The following CLTCL1 variants were observed in gnomAD, a reference collection of about 807,000 sequenced individuals.
CLTCL1 encodes clathrin heavy chain like 1.
A neutral mutation model predicts 190.0 loss-of-function variants in CLTCL1; 159 were observed. The ratio of observed to expected loss-of-function variants is 0.84; its 90% CI spans 0.74 to 0.95. The LOEUF is 0.95. Ranked by LOEUF, CLTCL1 falls within the 40% of genes least tolerant of loss-of-function variation. The pLI is 0.00. For synonymous variants in CLTCL1, 752 were observed against 769.6 expected (o/e 0.98, Z 0.38); for missense variants, 1,878 against 2,033.4 (o/e 0.92, Z 1.47).
rs1165219749 is a variant in CLTCL1 at position 19,198,101 on chromosome 22, T to A, written c.3874-1445A>T. Among the ~76,000 whole-genome samples the A allele has an allele frequency of 6.6e-6, 1 of 152,184 alleles. No individual in the cohort carries two copies. The highest frequency in any genetic ancestry group is 1.5e-5 in the Non-Finnish European group (1 of 68,030). On this transcript the variant is annotated intron_variant, in intron 24 of 32. Coordinates refer to ENST00000427926, the MANE Select transcript of CLTCL1 (RefSeq NM_007098.4). This position sits in a 1 kb window ranked among gnomAD's most constrained non-coding sequence, Gnocchi z 4.1. ...TTGTCCTTCCCTCCCGTGCTGCACC[T>A]TCAGTCTTCCCCTCATCCACTGGTG...
In CLTCL1 at chr22:19,201,451, T is replaced by C; in HGVS notation, c.3643A>G (p.Lys1215Glu). The C allele has an allele frequency of 1.2e-6, 2 of 1,613,862 alleles. No homozygotes were observed. Among genetic ancestry groups the C allele is most frequent in the Non-Finnish European group, 1.7e-6 (2 of 1,179,788 alleles). The change falls in exon 23 of 33, where the codon AAG becomes GAG. Residue 1215 changes from lysine (K) to glutamate (E), a missense_variant. Transcript: ENST00000427926. The part of the protein sequence containing the change: ...CYEEGMYEAA[K>E]LLYSNVSNFA... ...TTAGAAACATTGCTATAGAGCAGCT[T>C]GGCAGCCTCGTACATTCCCTCCTCG...
At chr22:19,286,357 C>T (rs1175463451) in intron 1 of CLTCL1, among the ~76,000 whole-genome samples, 2 of 152,130 alleles carry the variant, frequency 1.3e-5, no homozygotes, top group African/African-American at 4.8e-5. Context: ...ACTAACTGGC[C>T]AGTATGTATT....
At chr22:19,284,322 A>G (rs1378614648) in intron 1 of CLTCL1, among the ~76,000 whole-genome samples, 1 of 152,198 alleles carries the variant, frequency 6.6e-6, no homozygotes, top group African/African-American at 2.4e-5. Flanking sequence ...AAAACAAATT[A>G]CTTGTTTCAG....
chr22:19,259,828 A>T, intron 2 of CLTCL1, among the ~76,000 whole-genome samples: 1 of 152,204 alleles, frequency 6.6e-6, no homozygotes, highest in East Asian at 1.9e-4. Context: ...TTTAAGTCAA[A>T]AGTTAGGAAT....
intron 2 of CLTCL1, among the ~76,000 whole-genome samples, chr22:19,265,506 T>A (rs1244830069): frequency 2.0e-5 from 3 of 152,026 alleles, no homozygotes; most frequent in African/African-American, 7.2e-5. Flanking sequence ...CATATATGCA[T>A]CTTATTTTCT....
chr22:19,192,022 C>T (rs541742964), intron 26 of CLTCL1, among the ~76,000 whole-genome samples: 70 of 152,200 alleles, frequency 4.6e-4, no homozygotes, highest in African/African-American at 1.6e-3. Context: ...TTAGCACTTT[C>T]CCCACTGGTC....
chr22:19,228,313 T>C (rs1206548), intron 11 of CLTCL1, among the ~76,000 whole-genome samples: 9,525 of 152,326 alleles, frequency 0.063, 353 homozygotes, highest in Middle Eastern at 0.16. Context: ...CACGCAGTCC[T>C]ACTGCCCAGA....
At chr22:19,228,130 C>G (rs2085809421) in intron 11 of CLTCL1, among the ~76,000 whole-genome samples, 1 of 152,240 alleles carries the variant, frequency 6.6e-6, no homozygotes, top group Admixed American at 6.5e-5. Context: ...CAGACCACTT[C>G]AGAGTGATGC....
At chr22:19,283,842 C>T (rs1179943575) in intron 1 of CLTCL1, among the ~76,000 whole-genome samples, 1 of 151,578 alleles carries the variant, frequency 6.6e-6, no homozygotes, top group Non-Finnish European at 1.5e-5. Context: ...AAATAAAAAA[C>T]TTAGCTGAGC....
At chr22:19,220,388 A>T (rs968293031) in intron 17 of CLTCL1, among the ~76,000 whole-genome samples, 1 of 152,232 alleles carries the variant, frequency 6.6e-6, no homozygotes, top group Non-Finnish European at 1.5e-5. Flanking sequence ...ATTTAGTTAA[A>T]TTTAAGTACT....
rs145265081 is a variant in CLTCL1 at position 19,242,711 on chromosome 22, C to G, written c.681+64G>C. On this transcript the variant is annotated intron_variant, in intron 4 of 32. Transcript: ENST00000427926. ...TGCAGGCCATGCCCAGCCACACACA[C>G]GCACACCCCTAACACCAGCTCATGA... 9 of 1,578,632 alleles carry G rather than the reference C, an allele frequency of 5.7e-6. No homozygotes were observed. The African/African-American group carries it at 1.2e-4, about 21-fold the overall frequency.
At chr22:19,289,320 G>C (rs73379804) in intron 1 of CLTCL1, among the ~76,000 whole-genome samples, 4,599 of 152,234 alleles carry the variant, frequency 0.03, 229 homozygotes, top group African/African-American at 0.1. Context: ...GCCAACTGCA[G>C]CCTGCTTTTG....
At chr22:19,263,084 A>C (rs1555976320) in intron 2 of CLTCL1, among the ~76,000 whole-genome samples, 2 of 151,586 alleles carry the variant, frequency 1.3e-5, no homozygotes, top group East Asian at 3.9e-4. Context: ...AATGGTAAGC[A>C]ATTTTTAGGA....
At chr22:19,239,849 G>C (rs924942909) in intron 4 of CLTCL1, among the ~76,000 whole-genome samples, 5 of 152,288 alleles carry the variant, frequency 3.3e-5, no homozygotes, top group Non-Finnish European at 7.4e-5. Flanking sequence ...TGTGCTGGGC[G>C]GGGGTAAGAA....
At chr22:19,183,799 C>T (rs1032899500) in intron 29 of CLTCL1, 188 bp from the exon 30 acceptor site, 8 of 622,140 alleles carry the variant, frequency 1.3e-5, no homozygotes, top group Non-Finnish European at 2.2e-5. Flanking sequence ...GGAGATGCCA[C>T]CTCCGGAGGC....
chr22:19,254,793 T>A (rs1555971745), intron 2 of CLTCL1, among the ~76,000 whole-genome samples: 1 of 152,232 alleles, frequency 6.6e-6, no homozygotes, highest in Non-Finnish European at 1.5e-5. Flanking sequence ...AGCAAGATAT[T>A]TCAGGAACTG....
chr22:19,221,660 T>A (rs1555952506), intron 16 of CLTCL1, 49 bp from the exon 17 acceptor site: 3 of 1,445,374 alleles, frequency 2.1e-6, no homozygotes, highest in South Asian at 1.2e-5. Context: ...CCACTGGAAG[T>A]CTTGAGGGCA....
At chr22:19,275,413 C>T (rs899655339) in intron 2 of CLTCL1, among the ~76,000 whole-genome samples, 8 of 151,514 alleles carry the variant, frequency 5.3e-5, no homozygotes, top group East Asian at 2.0e-4. Context: ...GTGTGTCTGG[C>T]GCTGTGGGTG....
intron 22 of CLTCL1, among the ~76,000 whole-genome samples, chr22:19,205,550 CT>C: frequency 6.6e-6 from 1 of 152,192 alleles, no homozygotes; most frequent in Admixed American, 6.5e-5. Context: ...CAGACATTGG[CT>C]TTTGATTTTT....
Sources: allele counts gnomAD v4.1 joint callset (sites outside exome capture counted in the v4.1 genomes callset), GRCh38; gene constraint gnomAD v4.1.1; non-coding constraint Gnocchi (gnomAD v3.1); transcripts MANE v1.5; gene names NCBI Gene and HGNC (gene_info 2026-07-23, HGNC 2026-07-21).